FGGY: variants seen among roughly 807,000 people sequenced by gnomAD.
The protein encoded by FGGY is FGGY carbohydrate kinase domain-containing protein.
FGGY carries 72 observed loss-of-function variants against 71.3 expected under a neutral mutation model. That is an observed-to-expected ratio of 1.01 (90% CI 0.84 to 1.23). FGGY has a LOEUF of 1.23. Among genes scored for constraint, FGGY ranks in the 50% most tolerant of loss-of-function variants. FGGY has a pLI of 0.00. For missense variants in FGGY, 668 were observed against 682.3 expected (o/e 0.98, Z 0.23); for synonymous variants, 251 against 250.3 (o/e 1.00, Z -0.02).
intron 6 of FGGY, among the ~76,000 whole-genome samples, chr1:59,502,464 T>C (rs2094255482): frequency 6.6e-6 from 1 of 152,192 alleles, no homozygotes; most frequent in Admixed American, 6.5e-5. Context: ...TCTAGAGAAT[T>C]GGGTCACTGT....
In FGGY at chr1:59,620,392, C is replaced by T. The variant is rs116362318; in HGVS notation, c.1012-5596C>T. 3.4e-3 allele frequency among the ~76,000 whole-genome samples: 519 copies of T among 151,806 alleles called. 4 individuals are homozygous for T. Among genetic ancestry groups the T allele is most frequent in the African/African-American group, 0.012 (493 of 41,402 alleles). On this transcript the variant is annotated intron_variant, in intron 9 of 15. Transcript: ENST00000303721. The stretch of plus-strand genomic sequence containing the variant: ...CTCCTAGCACTGTTGGGCAAATCAC[C>T]GTGGCACTTTTCCTCTCCTGGTCTA...
intron 7 of FGGY, among the ~76,000 whole-genome samples, chr1:59,549,788 A>G (rs181588145): frequency 2.0e-5 from 3 of 152,344 alleles, no homozygotes; most frequent in East Asian, 3.9e-4. Context: ...TTTATTTTAC[A>G]TAAATATAGT....
intron 6 of FGGY, among the ~76,000 whole-genome samples, chr1:59,485,914 T>C (rs1327600256): frequency 6.6e-6 from 1 of 152,198 alleles, no homozygotes; most frequent in Non-Finnish European, 1.5e-5. Flanking sequence ...TCTTAAACTT[T>C]CTGTAAATCA....
At chr1:59,296,389 G>C (rs1012798488), upstream of FGGY, among the ~76,000 whole-genome samples, 19 of 152,222 alleles carry the variant, frequency 1.2e-4, no homozygotes, top group African/African-American at 4.6e-4. Context: ...AACAGTCCTG[G>C]TGTTTAGTAA....
At chr1:59,341,224 C>G (rs1202387638) in intron 3 of FGGY, among the ~76,000 whole-genome samples, 10 of 152,172 alleles carry the variant, frequency 6.6e-5, no homozygotes, top group Non-Finnish European at 4.4e-5. Context: ...GAATCAGTAG[C>G]TTTGCTGTGA....
At chr1:59,472,817 A>G (rs749290886) in intron 6 of FGGY, among the ~76,000 whole-genome samples, 5 of 151,706 alleles carry the variant, frequency 3.3e-5, no homozygotes, top group Non-Finnish European at 5.9e-5. Context: ...AAATACACCA[A>G]TCGGCTCTCT....
At chr1:59,478,109 A>G (rs2093338279) in intron 6 of FGGY, among the ~76,000 whole-genome samples, 1 of 152,204 alleles carries the variant, frequency 6.6e-6, no homozygotes, top group African/African-American at 2.4e-5. Flanking sequence ...CCAGATTGGG[A>G]AAGTAATACC....
chr1:59,654,320 C>T (rs2097198343), intron 11 of FGGY, among the ~76,000 whole-genome samples: 3 of 152,138 alleles, frequency 2.0e-5, no homozygotes, highest in Non-Finnish European at 4.4e-5. Context: ...TTCTCTGATC[C>T]TCCTCATTGC....
intron 6 of FGGY, among the ~76,000 whole-genome samples, chr1:59,512,094 C>T (rs557179438): frequency 1.3e-5 from 2 of 152,200 alleles, no homozygotes; most frequent in Admixed American, 6.5e-5. Context: ...TTTAGAGTTC[C>T]TTGTTTGTAA....
intron 14 of FGGY, among the ~76,000 whole-genome samples, chr1:59,704,564 A>T (rs1471091621): frequency 4.6e-5 from 7 of 152,176 alleles, no homozygotes; most frequent in Non-Finnish European, 1.0e-4. Flanking sequence ...TGAAAAAGAG[A>T]TAACTTTTTT....
chr1:59,538,878 G>C (rs2095388996), intron 7 of FGGY, among the ~76,000 whole-genome samples: 2 of 151,018 alleles, frequency 1.3e-5, no homozygotes, highest in Admixed American at 1.3e-4. Flanking sequence ...ATAGCATTGG[G>C]AGATATACCT....
rs1232163029 is a variant in FGGY, at chr1:59,638,323, C to T, written c.1169C>T (p.Pro390Leu). Residue 390 changes from proline to leucine, a missense_variant, in exon 11 of 16, where the codon CCA becomes CTA. Coordinates refer to ENST00000303721, the MANE Select transcript of FGGY (RefSeq NM_018291.5). ...CTTACTGTTGATTTACATGTTTGGC[C>T]AGATTTCCATGGCAACCGGTCTCCC... ...GFLTVDLHVW[P>L]DFHGNRSPLA... 1 of 1,614,180 alleles carries T rather than the reference C, an allele frequency of 6.2e-7. No individual in the cohort carries two copies. The highest frequency in any genetic ancestry group is 1.1e-5 in the South Asian group (1 of 91,084).
chr1:59,740,703 T>C (rs1467329485), intron 14 of FGGY, among the ~76,000 whole-genome samples: 1 of 152,254 alleles, frequency 6.6e-6, no homozygotes, highest in South Asian at 2.1e-4. Context: ...TATCAGAGAC[T>C]CTTTCATCTC....
chr1:59,346,614 A>C (rs913137938), intron 4 of FGGY, among the ~76,000 whole-genome samples: 26 of 152,170 alleles, frequency 1.7e-4, no homozygotes, highest in African/African-American at 6.3e-4. Flanking sequence ...CAAGTATTGT[A>C]CACATTATCT....
intron 4 of FGGY, among the ~76,000 whole-genome samples, chr1:59,369,408 G>A (rs1161141170): frequency 1.3e-5 from 2 of 152,196 alleles, no homozygotes; most frequent in Admixed American, 6.5e-5. Flanking sequence ...AGAGCAGCCT[G>A]GAAGCTCAAC....
At chr1:59,451,807 T>C (rs1440496407) in intron 5 of FGGY, among the ~76,000 whole-genome samples, 1 of 152,164 alleles carries the variant, frequency 6.6e-6, no homozygotes, top group Non-Finnish European at 1.5e-5. Context: ...TTTCTCGTAA[T>C]AGTTTGTACA....
At chr1:59,466,333 A>C (rs1285289417) in intron 6 of FGGY, among the ~76,000 whole-genome samples, 7 of 150,910 alleles carry the variant, frequency 4.6e-5, no homozygotes, top group African/African-American at 1.5e-4. Context: ...TCCCTTCCTT[A>C]TACCTTATAC....
chr1:59,695,829 T>A (rs2097652935), intron 14 of FGGY, among the ~76,000 whole-genome samples: 1 of 152,130 alleles, frequency 6.6e-6, no homozygotes, highest in Admixed American at 6.5e-5. Flanking sequence ...TAAGCTAATT[T>A]TTTTCTTCTT....
At chr1:59,472,169 C>T (rs1386973308) in intron 6 of FGGY, among the ~76,000 whole-genome samples, 4 of 152,336 alleles carry the variant, frequency 2.6e-5, no homozygotes, top group Admixed American at 1.3e-4. Flanking sequence ...GCAGTGCTTG[C>T]GGGCCAGCGT....
Sources: gnomAD v4.1 joint callset for allele counts (sites outside exome capture counted in the v4.1 genomes callset) on GRCh38, gnomAD v4.1.1 for gene constraint, MANE v1.5 for transcripts, NCBI Gene and HGNC (gene_info 2026-07-23, HGNC 2026-07-21) for gene names.